CENPF: variants seen among roughly 807,000 people sequenced by gnomAD.
The protein encoded by CENPF is centromere protein F.
Under a neutral mutation model 307.3 loss-of-function variants are expected in CENPF, and 214 were observed. The observed-to-expected ratio is 0.70, with a 90% CI of 0.62 to 0.78. The LOEUF (loss-of-function observed/expected upper bound fraction) is 0.78, where lower values mean the gene tolerates loss of function less well. CENPF is among the 30% of genes least tolerant of loss of function. The probability of loss-of-function intolerance (pLI) is 0.00; values close to 1 mark genes in which losing one functional copy is unlikely to be tolerated. For missense variants in CENPF, 3,401 were observed against 3,483.9 expected (o/e 0.98, Z 0.60); for synonymous variants, 1,259 against 1,270.6 (o/e 0.99, Z 0.19).
At chr1:214,660,974 A>G in intron 19 of CENPF, among the ~76,000 whole-genome samples, 1 of 152,238 alleles carries the variant, frequency 6.6e-6, no homozygotes, top group East Asian at 1.9e-4. Flanking sequence ...GCATGCTAGG[A>G]AATGGTCTTA....
At position 214,655,386 on chromosome 1, in the gene CENPF, A is replaced by C; in HGVS notation, c.8468A>C (p.Gln2823Pro). 1 of 1,596,600 alleles carries C rather than the reference A, an allele frequency of 6.3e-7. No homozygotes were observed. The highest frequency in any genetic ancestry group is 8.5e-7 in the Non-Finnish European group (1 of 1,173,804). Residue 2823 changes from glutamine to proline, a missense_variant, in exon 17 of 20, where the codon CAG becomes CCG. By Grantham distance (76) the Gln-to-Pro change is moderately conservative. Transcript: ENST00000366955. ...QKELSQLQAA[Q>P]EKQKTGTVMD... ...GAACTCTCTCAACTTCAAGCTGCAC[A>C]GGAGAAGCAGAAAACAGGTGGGTGT...
chr1:214,661,627 C>G (rs894325209), intron 19 of CENPF, among the ~76,000 whole-genome samples: 3 of 152,116 alleles, frequency 2.0e-5, no homozygotes, highest in African/African-American at 7.2e-5. Flanking sequence ...GCTCAGGAAC[C>G]CCTCGTTTGT....
Position 214,658,986 on chromosome 1 carries a change from A to C in CENPF, c.9099A>C (p.Ala3033=). The C allele has an allele frequency of 3.7e-6, 6 of 1,614,140 alleles. No individual in the cohort carries two copies. Among genetic ancestry groups the C allele is most frequent in the Non-Finnish European group, 5.1e-6 (6 of 1,180,008 alleles). Residue 3033 remains alanine (A), a synonymous_variant, in exon 19 of 20, where the codon GCA becomes GCC. Coordinates refer to ENST00000366955, the MANE Select transcript of CENPF (RefSeq NM_016343.4). The part of the protein sequence containing the change: ...SPLSLGKENL[A]ESSKPTAGGS... ...TGAGTCTCGGCAAAGAAAATCTTGCAGAGTCCTCCAAACCAACAGCTGGTG... is the reference window on the plus strand; with the variant it reads ...TGAGTCTCGGCAAAGAAAATCTTGCCGAGTCCTCCAAACCAACAGCTGGTG...
At chr1:214,658,798 T>C in intron 18 of CENPF, 52 bp from the exon 19 acceptor site, 1 of 1,556,232 alleles carries the variant, frequency 6.4e-7, no homozygotes, top group Admixed American at 1.8e-5. Context: ...TCTTTTCCAC[T>C]GTAGATAGAA....
intron 13 of CENPF, 169 bp from the exon 14 acceptor site, chr1:214,648,506 G>A: frequency 1.3e-6 from 1 of 775,994 alleles, no homozygotes; most frequent in South Asian, 1.4e-5. Context: ...AAGCTTACTA[G>A]TAGGTTTTGA....
Position 214,639,972 on chromosome 1 carries a change from A to AT in CENPF, c.1635dup (p.Gln546SerfsTer17), listed in dbSNP as rs778210873. 3 of 1,568,382 alleles carry AT rather than the reference A, an allele frequency of 1.9e-6. No homozygotes were observed. ...TTAAGAGATCTTCAAGAAAAAATAA[A>AT]TCAGCAAGAAAACTCCTTGACTTTA... On this transcript the variant is annotated frameshift_variant, in exon 12 of 20. Coordinates refer to ENST00000366955, the MANE Select transcript of CENPF (RefSeq NM_016343.4). LOFTEE classifies it high-confidence loss of function.
In CENPF at chr1:214,604,444, C is replaced by G. The variant is rs562802983; in HGVS notation, c.-42+1123C>G. On this transcript the variant is annotated intron_variant, in intron 1 of 19. Transcript: ENST00000366955. The stretch of plus-strand genomic sequence containing the variant: ...CCAATACAGGTGGCTGATAGCTGAT[C>G]CCTTAATGGGCCAAAATCTGCTCTA... Among the ~76,000 whole-genome samples the G allele has an allele frequency of 4.4e-4, 67 of 152,218 alleles. 1 individual carries two copies. The highest frequency in any genetic ancestry group is 1.0e-3 in the South Asian group (5 of 4,822).
Position 214,644,991 on chromosome 1 carries a change from A to G in CENPF, c.5421A>G (p.Leu1807=), listed in dbSNP as rs1316791450. The G allele has an allele frequency of 1.2e-6, 2 of 1,613,432 alleles. No homozygotes were observed. The highest frequency in any genetic ancestry group is 2.2e-5 in the South Asian group (2 of 90,946). Residue 1807 remains leucine (L), a synonymous_variant, in exon 13 of 20, where the codon TTA becomes TTG. Coordinates refer to ENST00000366955, the MANE Select transcript of CENPF (RefSeq NM_016343.4). ...VESLLNEMKE[L]DSKLHLQEVQ... is the part of the protein sequence containing the mutation. Reference sequence around the variant, plus strand: ...GTTTGCTAAATGAAATGAAAGAATTAGACTCAAAACTCCATTTACAGGAGG... The same window carrying G: ...GTTTGCTAAATGAAATGAAAGAATTGGACTCAAAACTCCATTTACAGGAGG...
chr1:214,662,616 C>A lies in CENPF; in HGVS notation c.9142-975C>A, dbSNP rs114071868. 2.7e-3 allele frequency among the ~76,000 whole-genome samples: 408 copies of A among 152,238 alleles called. 2 individuals carry two copies. Among genetic ancestry groups the A allele is most frequent in the African/African-American group, 9.1e-3 (379 of 41,546 alleles). On this transcript the variant is annotated intron_variant, in intron 19 of 19. Transcript: ENST00000366955. ...CCAGCAACTGTGCTGGACACAGATC[C>A]TTGTGTCCATTATGCAAGAGGCCCT...
At chr1:214,608,086 G>C (rs1185611157) in intron 1 of CENPF, among the ~76,000 whole-genome samples, 1 of 152,208 alleles carries the variant, frequency 6.6e-6, no homozygotes, top group Non-Finnish European at 1.5e-5. Context: ...AGGGAGCCTG[G>C]CTCCACAGGC....
At chr1:214,636,619 G>A (rs1456173369) in intron 10 of CENPF, among the ~76,000 whole-genome samples, 2 of 152,094 alleles carry the variant, frequency 1.3e-5, no homozygotes, top group Non-Finnish European at 2.9e-5. Flanking sequence ...TTGCTACATC[G>A]GTACCCATCT....
In CENPF at chr1:214,637,325, T is replaced by G. The variant is rs191218930; in HGVS notation, c.1447-541T>G. ...CTGTCTTATTTATATTTGCATTTTT[T>G]GTAATGCACATTCCAGCATCTTGAA... On this transcript the variant is annotated intron_variant, in intron 10 of 19. Coordinates refer to ENST00000366955, the MANE Select transcript of CENPF (RefSeq NM_016343.4). Among the ~76,000 whole-genome samples the G allele has an allele frequency of 3.2e-3, 483 of 152,378 alleles. 2 individuals are homozygous for G. The highest frequency in any genetic ancestry group is 0.014 in the Middle Eastern group (4 of 294).
Position 214,659,329 on chromosome 1 carries a change from A to T in CENPF, c.9141+301A>T, listed in dbSNP as rs1658734734. 6.6e-6 allele frequency among the ~76,000 whole-genome samples: 1 copy of T among 152,162 alleles called. No individual in the cohort carries two copies. The highest frequency in any genetic ancestry group is 2.4e-5 in the African/African-American group (1 of 41,444). ...TCAGGCGTTACTGATGAAGGATTTGAAGAGGTAATTTTCCCTTTCGCCACT... is the reference window on the plus strand; with the variant it reads ...TCAGGCGTTACTGATGAAGGATTTGTAGAGGTAATTTTCCCTTTCGCCACT... On this transcript the variant is annotated intron_variant, in intron 19 of 19. Coordinates refer to ENST00000366955, the MANE Select transcript of CENPF (RefSeq NM_016343.4). The surrounding 1 kb of genome is among the most constrained non-coding windows in gnomAD (Gnocchi z 4.4).
intron 12 of CENPF, among the ~76,000 whole-genome samples, chr1:214,644,246 G>T (rs1427153034): frequency 6.6e-6 from 1 of 152,142 alleles, no homozygotes; most frequent in Admixed American, 6.5e-5. Flanking sequence ...TCATATTTAG[G>T]CTACCTGAAT....
chr1:214,612,965 C>A (rs1022313179), intron 1 of CENPF: 13 of 274,552 alleles, frequency 4.7e-5, no homozygotes, highest in Non-Finnish European at 7.0e-5. Context: ...TGATTAACTG[C>A]TGTAACCCTG....
At position 214,651,710 on chromosome 1, in the gene CENPF, G is replaced by T; in HGVS notation, c.7984G>T (p.Asp2662Tyr). 4.5e-6 allele frequency: 7 copies of T among 1,573,006 alleles called. No individual in the cohort carries two copies. The highest frequency in any genetic ancestry group is 2.2e-5 in the East Asian group (1 of 44,526). ...ATGATTTTATTATTTTTCTGTTTAG[G>T]ATCAATTGAAGGAGCTCACACTAGA... The part of the protein sequence containing the change: ...LLLEEIKSSK[D>Y]QLKELTLENS... Residue 2662 changes from aspartate to tyrosine, a missense_variant and splice_region_variant, in exon 15 of 20, where the codon GAT becomes TAT. Asp to Tyr is a radical substitution (Grantham distance 160). Coordinates refer to ENST00000366955, the MANE Select transcript of CENPF (RefSeq NM_016343.4).
Position 214,645,477 on chromosome 1 carries a change from T to C in CENPF, c.5907T>C (p.Thr1969=), listed in dbSNP as rs374322005. The change falls in exon 13 of 20, where the codon ACT becomes ACC. Residue 1969 remains threonine (T), a synonymous_variant. Coordinates refer to ENST00000366955, the MANE Select transcript of CENPF (RefSeq NM_016343.4). ...ACCAGCTTCGTGGAGAATTAGATAC[T>C]ATGTCAAAAAAAACCACGGCACTGG... ...ERNQLRGELD[T]MSKKTTALDQ... is the part of the protein sequence containing the mutation. 1.2e-5 allele frequency: 20 copies of C among 1,613,554 alleles called. No individual in the cohort carries two copies. The highest frequency in any genetic ancestry group is 1.7e-5 in the Non-Finnish European group (20 of 1,179,950).
In CENPF at chr1:214,658,971, C is replaced by G. The variant is rs772584360; in HGVS notation, c.9084C>G (p.Gly3028=). The part of the protein sequence containing the change: ...QKLALSPLSL[G]KENLAESSKP... ...TAGCGCTATCCCCACTGAGTCTCGG[C>G]AAAGAAAATCTTGCAGAGTCCTCCA... The change falls in exon 19 of 20, where the codon GGC becomes GGG. Residue 3028 remains glycine (G), a synonymous_variant. Transcript: ENST00000366955. 6.2e-7 allele frequency: 1 copy of G among 1,613,982 alleles called. No homozygotes were observed. Among genetic ancestry groups the G allele is most frequent in the Non-Finnish European group, 8.5e-7 (1 of 1,180,014 alleles).
At chr1:214,614,051 C>A in intron 2 of CENPF, 135 bp downstream of exon 2, 1 of 832,716 alleles carries the variant, frequency 1.2e-6, no homozygotes, top group Non-Finnish European at 1.7e-6. Flanking sequence ...ATTTTGCTGT[C>A]TTCAGGTGGT....
Sources: gnomAD v4.1 joint callset for allele counts (sites outside exome capture counted in the v4.1 genomes callset) on GRCh38, gnomAD v4.1.1 for gene constraint, Gnocchi (gnomAD v3.1) non-coding constraint, MANE v1.5 for transcripts, NCBI Gene and HGNC (gene_info 2026-07-23, HGNC 2026-07-21) for gene names.